The following RBFOX1 variants were observed in gnomAD, a reference collection of about 807,000 sequenced individuals.
RBFOX1 encodes RNA binding protein fox-1 homolog 1.
A neutral mutation model predicts 57.7 loss-of-function variants in RBFOX1; 8 were observed. The ratio of observed to expected loss-of-function variants is 0.14; its 90% confidence interval spans 0.08 to 0.25. RBFOX1 has a LOEUF of 0.25. RBFOX1 is among the 10% of genes least tolerant of loss of function. RBFOX1 has a pLI of 1.00. For synonymous variants in RBFOX1, 326 were observed against 222.4 expected, an observed-to-expected ratio of 1.47 and a Z score of -4.15; for missense variants, 611 against 548.5, an observed-to-expected ratio of 1.11 and a Z score of -1.14.
chr16:6,946,488 G>C (rs1057176144), intron 3 of RBFOX1, among the ~76,000 whole-genome samples: 1 of 152,138 alleles, frequency 6.6e-6, no homozygotes, highest in Non-Finnish European at 1.5e-5. Flanking sequence ...TGCATAGCCT[G>C]TTTTCTCCTC....
intron 4 of RBFOX1, among the ~76,000 whole-genome samples, chr16:5,868,553 C>T (rs1484763632): frequency 6.6e-6 from 1 of 152,108 alleles, no homozygotes; most frequent in Non-Finnish European, 1.5e-5. Context: ...GATCATTATC[C>T]ACAAGTATCC....
At chr16:6,413,495 CAG>C (rs1372451440) in intron 2 of RBFOX1, among the ~76,000 whole-genome samples, 1 of 152,026 alleles carries the variant, frequency 6.6e-6, no homozygotes, top group Non-Finnish European at 1.5e-5. Context: ...ATGGTTAGGA[CAG>C]TGAAATTTTT....
At chr16:6,770,082 T>C (rs2078039583) in intron 3 of RBFOX1, among the ~76,000 whole-genome samples, 1 of 152,124 alleles carries the variant, frequency 6.6e-6, no homozygotes, top group African/African-American at 2.4e-5. Flanking sequence ...GGAGGCAAAG[T>C]GGTCAGCAGA....
At chr16:6,703,775 C>G (rs1568284333) in intron 3 of RBFOX1, 4 of 152,190 alleles carry the variant, frequency 2.6e-5, no homozygotes, top group Non-Finnish European at 5.9e-5. Context: ...GCAACTGAAT[C>G]CACATCTGTC....
At chr16:5,455,087 G>A (rs1437595347) in intron 1 of RBFOX1, among the ~76,000 whole-genome samples, 2 of 137,436 alleles carry the variant, frequency 1.5e-5, no homozygotes, top group African/African-American at 2.7e-5. Flanking sequence ...GTCTCTCTTC[G>A]CTTTCCTGTT....
At chr16:5,317,591 A>G (rs547624918) in intron 1 of RBFOX1, among the ~76,000 whole-genome samples, 131 of 152,316 alleles carry the variant, frequency 8.6e-4, no homozygotes, top group African/African-American at 3.1e-3. Flanking sequence ...CCTGGGCGAA[A>G]GACTGAGACT....
At chr16:5,995,694 G>T (rs552311549) in intron 4 of RBFOX1, among the ~76,000 whole-genome samples, 85 of 152,224 alleles carry the variant, frequency 5.6e-4, no homozygotes, top group African/African-American at 1.9e-3. Context: ...CAAGCTTGGT[G>T]GAAAATCTTT....
chr16:6,233,514 C>T (rs898253937), intron 1 of RBFOX1, among the ~76,000 whole-genome samples: 2 of 152,086 alleles, frequency 1.3e-5, no homozygotes, highest in African/African-American at 4.8e-5. Context: ...AGGAAGGAGA[C>T]AAAAATCCTT....
chr16:6,292,853 C>G (rs1029154502), intron 1 of RBFOX1, among the ~76,000 whole-genome samples: 8 of 152,168 alleles, frequency 5.3e-5, no homozygotes, highest in Non-Finnish European at 1.0e-4. Flanking sequence ...CTTCCGTTTT[C>G]TACTTCTTAC....
intron 2 of RBFOX1, among the ~76,000 whole-genome samples, chr16:6,486,524 G>T (rs537234201): frequency 3.9e-5 from 6 of 152,242 alleles, no homozygotes; most frequent in Non-Finnish European, 7.4e-5. Flanking sequence ...ATCAAAGGGA[G>T]TTGGCGTAAG....
At chr16:7,167,958 G>A (rs1031313027) in intron 4 of RBFOX1, among the ~76,000 whole-genome samples, 1 of 152,180 alleles carries the variant, frequency 6.6e-6, no homozygotes, top group Admixed American at 6.5e-5. Context: ...TGTAGTGAGA[G>A]TCTGTCTTTA....
chr16:6,176,942 C>T (rs1317226135), intron 1 of RBFOX1, among the ~76,000 whole-genome samples: 1 of 152,116 alleles, frequency 6.6e-6, no homozygotes, highest in African/African-American at 2.4e-5. Flanking sequence ...AGTGCCTGGA[C>T]ATAGTGGTTC....
chr16:6,579,357 C>G (rs892960120), intron 2 of RBFOX1, among the ~76,000 whole-genome samples: 5 of 152,086 alleles, frequency 3.3e-5, no homozygotes, highest in Admixed American at 6.5e-5. Context: ...GCATGCACCA[C>G]CACACCTGGT....
At chr16:5,471,824 C>T (rs2069146247) in intron 2 of RBFOX1, among the ~76,000 whole-genome samples, 2 of 152,278 alleles carry the variant, frequency 1.3e-5, no homozygotes, top group Non-Finnish European at 2.9e-5. Context: ...GATCAAGGTC[C>T]TGGCGAGATG....
intron 5 of RBFOX1, among the ~76,000 whole-genome samples, chr16:7,543,947 C>G (rs1355961393): frequency 6.6e-6 from 1 of 152,162 alleles, no homozygotes; most frequent in African/African-American, 2.4e-5. Context: ...TCTCGATCTC[C>G]TAACTTCATG....
intron 4 of RBFOX1, among the ~76,000 whole-genome samples, chr16:7,121,059 A>C (rs185223857): frequency 6.6e-6 from 1 of 152,016 alleles, no homozygotes; most frequent in African/African-American, 2.4e-5. Context: ...AACAAAAGCT[A>C]ATCTACATTG....
rs373131480 is a variant in RBFOX1 at position 5,745,145 on chromosome 16, A to G, written c.319-122158A>G. ...GTGTGATGTTCCCCTTCTGTGTCCAAGTGTTCTCATTGTTCAATTCCCACC... is the reference window on the plus strand; with the variant it reads ...GTGTGATGTTCCCCTTCTGTGTCCAGGTGTTCTCATTGTTCAATTCCCACC... On this transcript the variant is annotated intron_variant, in intron 3 of 19. Transcript: ENST00000641259. Among the ~76,000 whole-genome samples the G allele has an allele frequency of 9.2e-5, 14 of 151,990 alleles. No homozygotes were observed. The South Asian group carries it at 2.1e-3, about 23-fold the overall frequency.
chr16:6,894,450 T>G (rs2066269876), intron 3 of RBFOX1, among the ~76,000 whole-genome samples: 1 of 152,294 alleles, frequency 6.6e-6, no homozygotes, highest in Admixed American at 6.5e-5. Context: ...CTTCCCGAAT[T>G]TGTGCCTTTA....
chr16:5,641,864 T>A (rs2048886206), intron 3 of RBFOX1, among the ~76,000 whole-genome samples: 1 of 152,082 alleles, frequency 6.6e-6, no homozygotes, highest in South Asian at 2.1e-4. Flanking sequence ...GCCATTTGAG[T>A]GGGGTTTCCT....
Sources: allele counts gnomAD v4.1 joint callset (sites outside exome capture counted in the v4.1 genomes callset), GRCh38; gene constraint gnomAD v4.1.1; transcripts MANE v1.5; gene names NCBI Gene and HGNC (gene_info 2026-07-23, HGNC 2026-07-21).